Variants in FAM133B observed in about 807,000 individuals in gnomAD.
The protein encoded by FAM133B is protein FAM133B.
FAM133B carries 25 observed loss-of-function variants against 46.4 expected under a neutral mutation model. That is an observed-to-expected ratio of 0.54 (90% CI 0.39 to 0.75). The LOEUF (loss-of-function observed/expected upper bound fraction) is 0.75. Ranked by LOEUF, FAM133B falls within the 30% of genes least tolerant of loss-of-function variation. FAM133B has a pLI of 0.00. For synonymous variants in FAM133B, 75 were observed against 86.0 expected, an observed-to-expected ratio of 0.87 and a Z score of 0.71; for missense variants, 205 against 277.6, an observed-to-expected ratio of 0.74 and a Z score of 1.86.
chr7:92,562,603 C>T (rs896771270), intron 10 of FAM133B, among the ~76,000 whole-genome samples: 1 of 152,126 alleles, frequency 6.6e-6, no homozygotes, highest in African/African-American at 2.4e-5. Context: ...ATTAACATAA[C>T]TTCTAACAAA....
intron 4 of FAM133B, 61 bp from the exon 5 acceptor site, chr7:92,578,243 T>C (rs995064252): frequency 1.1e-5 from 17 of 1,596,608 alleles, no homozygotes; most frequent in Admixed American, 1.7e-5. Context: ...ATGCATCTAT[T>C]AACAGTAGTA....
At chr7:92,589,360 T>C (rs1795124057) in intron 1 of FAM133B, among the ~76,000 whole-genome samples, 1 of 152,242 alleles carries the variant, frequency 6.6e-6, no homozygotes, top group Admixed American at 6.5e-5. Context: ...CCTTTTCTTT[T>C]GAATGCCTTT....
In FAM133B at chr7:92,562,355, T is replaced by C; in HGVS notation, c.671A>G (p.Lys224Arg). ...EREKATEKTK[K>R]KKKHKKHSKK... ...ACTGTGTTTCTTATGCTTCTTTTTC[T>C]TTTTTGTTTTTTCCTGTAAAGATAA... Residue 224 changes from lysine (K) to arginine (R), a missense_variant, in exon 11 of 11, where the codon AAG (lysine) becomes AGG (arginine). Lys to Arg is a conservative substitution (Grantham distance 26). Transcript: ENST00000445716. 1.3e-6 allele frequency: 2 copies of C among 1,531,424 alleles called. No homozygotes were observed. Among genetic ancestry groups the C allele is most frequent in the East Asian group, 2.5e-5 (1 of 40,800 alleles). 94.9% of individuals were successfully genotyped at this position (1,531,424 alleles called of 1,614,324 possible). A position where few individuals can be genotyped will look rare whatever the true frequency, so the allele number is the denominator to read the frequency against.
chr7:92,574,882 G>A (rs1028163730), intron 8 of FAM133B, among the ~76,000 whole-genome samples: 5 of 150,788 alleles, frequency 3.3e-5, no homozygotes, highest in Admixed American at 6.6e-5. Flanking sequence ...TCCGCAGTCC[G>A]GCCTGGGCGA....
At chr7:92,578,605 A>G (rs1794772377) in intron 3 of FAM133B, among the ~76,000 whole-genome samples, 2 of 152,168 alleles carry the variant, frequency 1.3e-5, no homozygotes, top group African/African-American at 4.8e-5. Context: ...ATATTAAGGG[A>G]TAGGGGTTCT....
At chr7:92,583,723 A>G (rs1794954637) in intron 1 of FAM133B, among the ~76,000 whole-genome samples, 1 of 152,074 alleles carries the variant, frequency 6.6e-6, no homozygotes. Flanking sequence ...TAAGTCAATA[A>G]AAATTTTATT....
At chr7:92,564,684 G>T (rs1462176218) in intron 10 of FAM133B, among the ~76,000 whole-genome samples, 1 of 152,124 alleles carries the variant, frequency 6.6e-6, no homozygotes, top group East Asian at 1.9e-4. Context: ...ACCTACAAAT[G>T]ATGATGTTTT....
chr7:92,582,228 G>A (rs113413807), intron 1 of FAM133B, among the ~76,000 whole-genome samples: 7,831 of 148,670 alleles, frequency 0.053, 245 homozygotes, highest in African/African-American at 0.093. Context: ...CAGCCTGGGC[G>A]ACAGAGCGAC....
intron 10 of FAM133B, among the ~76,000 whole-genome samples, chr7:92,564,947 ATCTT>A (rs1438951167): frequency 2.0e-5 from 3 of 152,206 alleles, no homozygotes; most frequent in Non-Finnish European, 2.9e-5. Context: ...TATCAAAAGA[ATCTT>A]TATTAATGAG....
At chr7:92,589,553 C>A (rs1795131048) in intron 1 of FAM133B, among the ~76,000 whole-genome samples, 1 of 152,136 alleles carries the variant, frequency 6.6e-6, no homozygotes, top group African/African-American at 2.4e-5. Context: ...CTTTTATAAA[C>A]GACGGCACAG....
chr7:92,589,894 G>C (rs887603453), intron 1 of FAM133B: 6 of 252,064 alleles, frequency 2.4e-5, no homozygotes, highest in Non-Finnish European at 3.8e-5. Flanking sequence ...GGGTGAGTCG[G>C]ATGCGTCCAA....
intron 9 of FAM133B, among the ~76,000 whole-genome samples, chr7:92,566,450 C>T (rs1264574559): frequency 1.3e-5 from 2 of 151,498 alleles, no homozygotes; most frequent in Admixed American, 6.6e-5. Flanking sequence ...ATAGTGAGAG[C>T]TCCCCCATCT....
chr7:92,582,059 G>C (rs1794893423), intron 1 of FAM133B, among the ~76,000 whole-genome samples: 1 of 152,066 alleles, frequency 6.6e-6, no homozygotes, highest in Non-Finnish European at 1.5e-5. Context: ...GACCAGCCTG[G>C]CCGACGTGGT....
chr7:92,581,738 T>A (rs994820299), intron 1 of FAM133B, 135 bp from the exon 2 acceptor site: 9 of 646,548 alleles, frequency 1.4e-5, no homozygotes, highest in Non-Finnish European at 2.1e-5. Context: ...AACCAACTCT[T>A]TATTCTAAAA....
chr7:92,584,920 C>T (rs1005807305), intron 1 of FAM133B, among the ~76,000 whole-genome samples: 5 of 152,092 alleles, frequency 3.3e-5, no homozygotes, highest in African/African-American at 1.2e-4. Context: ...TGTAATCTAG[C>T]ACTTTGGGAG....
At chr7:92,578,056 A>G in intron 5 of FAM133B, 94 bp downstream of exon 5, 1 of 1,094,330 alleles carries the variant, frequency 9.1e-7, no homozygotes, top group Non-Finnish European at 1.3e-6. Context: ...CTGGAGTTTA[A>G]GCTACCTTTA....
At chr7:92,582,294 A>ATAACATAAC (rs1794907358) in intron 1 of FAM133B, among the ~76,000 whole-genome samples, 1 of 88,354 alleles carries the variant, frequency 1.1e-5, no homozygotes, top group Admixed American at 1.1e-4. Flanking sequence ...ATAACATAAC[A>ATAACATAAC]TAACATAAAT....
chr7:92,565,880 G>GCT, intron 10 of FAM133B, 134 bp downstream of exon 10: 1 of 889,308 alleles, frequency 1.1e-6, no homozygotes, highest in Non-Finnish European at 1.8e-6. Context: ...AAGTGAAGCT[G>GCT]CTGAACACAC....
chr7:92,566,345 C>T lies in FAM133B; in HGVS notation c.610-284G>A, dbSNP rs554280931. Among the ~76,000 whole-genome samples the T allele has an allele frequency of 2.0e-4, 31 of 152,072 alleles. 1 individual carries two copies. The South Asian group carries it at 6.0e-3, about 30-fold the overall frequency. On this transcript the variant is annotated intron_variant, in intron 9 of 10. Transcript: ENST00000445716. ...GTGGAAAAAAACATCAGCTTTAGGC[C>T]GAGTGTGGTTGCTCTTGCCTGTAAT... is the stretch of plus-strand genomic sequence containing the variant.
Sources: gnomAD v4.1 joint callset for allele counts (sites outside exome capture counted in the v4.1 genomes callset) on GRCh38, gnomAD v4.1.1 for gene constraint, MANE v1.5 for transcripts, NCBI Gene and HGNC (gene_info 2026-07-23, HGNC 2026-07-21) for gene names.